PRKG1: variants seen among roughly 807,000 people sequenced by gnomAD.
The protein encoded by PRKG1 is protein kinase cGMP-dependent 1, also known as cGMP-dependent protein kinase 1.
A neutral mutation model predicts 88.1 loss-of-function variants in PRKG1; 35 were observed. The observed-to-expected ratio is 0.40, with a 90% CI of 0.30 to 0.53. The LOEUF (loss-of-function observed/expected upper bound fraction) is 0.53. Ranked by LOEUF, PRKG1 falls within the 20% of genes least tolerant of loss-of-function variation. The pLI, the probability that PRKG1 is intolerant of heterozygous loss-of-function variation, is 0.59. For missense variants in PRKG1, 540 were observed against 839.8 expected (o/e 0.64, Z 4.41); for synonymous variants, 303 against 292.5 (o/e 1.04, Z -0.37).
chr10:51,133,420 C>T (rs957528466), intron 1 of PRKG1, among the ~76,000 whole-genome samples: 4 of 152,132 alleles, frequency 2.6e-5, no homozygotes, highest in African/African-American at 9.7e-5. Flanking sequence ...AACCATTGTT[C>T]TATGTATTGT....
intron 4 of PRKG1, among the ~76,000 whole-genome samples, chr10:51,807,352 ATG>A (rs2132616468): frequency 6.6e-6 from 1 of 152,316 alleles, no homozygotes; most frequent in East Asian, 1.9e-4. Context: ...TCACACATCC[ATG>A]AAGCCATGTA....
At chr10:51,374,617 T>A (rs967328006) in intron 2 of PRKG1, among the ~76,000 whole-genome samples, 3 of 152,084 alleles carry the variant, frequency 2.0e-5, no homozygotes, top group South Asian at 4.1e-4. Context: ...GGACCCAGCA[T>A]TCCTCCCCTC....
intron 4 of PRKG1, among the ~76,000 whole-genome samples, chr10:51,818,256 C>T (rs554722942): frequency 2.3e-4 from 35 of 152,272 alleles, no homozygotes; most frequent in Admixed American, 2.2e-3. Context: ...ATTTAGCCTA[C>T]ATTAAGGATA....
At chr10:52,002,249 A>G (rs556256916) in intron 5 of PRKG1, among the ~76,000 whole-genome samples, 6 of 152,146 alleles carry the variant, frequency 3.9e-5, no homozygotes, top group Admixed American at 1.3e-4. Context: ...TTCTTTGCAA[A>G]TTCTGTTTAT....
At chr10:51,459,893 C>A (rs1041530528) in intron 2 of PRKG1, among the ~76,000 whole-genome samples, 1 of 152,126 alleles carries the variant, frequency 6.6e-6, no homozygotes, top group Non-Finnish European at 1.5e-5. Context: ...AAATATGCAA[C>A]CTGATGCTGC....
At chr10:52,137,019 G>A (rs1338521428) in intron 8 of PRKG1, among the ~76,000 whole-genome samples, 10 of 152,088 alleles carry the variant, frequency 6.6e-5, no homozygotes, top group African/African-American at 2.4e-4. Context: ...GAAGGATCCT[G>A]TCAAAAGCCT....
chr10:52,039,584 G>C (rs1323697059), intron 5 of PRKG1, among the ~76,000 whole-genome samples: 3 of 152,090 alleles, frequency 2.0e-5, no homozygotes, highest in Non-Finnish European at 4.4e-5. Flanking sequence ...AAATGCTACT[G>C]TACCAGTTAG....
At chr10:51,071,846 T>C (rs998916444), upstream of PRKG1, among the ~76,000 whole-genome samples, 2 of 152,208 alleles carry the variant, frequency 1.3e-5, no homozygotes, top group African/African-American at 4.8e-5. Flanking sequence ...ATTTAAACCC[T>C]AAATAAACTC....
intron 3 of PRKG1, among the ~76,000 whole-genome samples, chr10:51,489,784 T>A (rs1315866879): frequency 6.6e-6 from 1 of 152,082 alleles, no homozygotes; most frequent in Non-Finnish European, 1.5e-5. Context: ...CTTAATAGGC[T>A]GTTGCAGTAA....
chr10:52,115,035 G>A (rs1364421912), intron 7 of PRKG1, among the ~76,000 whole-genome samples: 2 of 152,068 alleles, frequency 1.3e-5, no homozygotes, highest in African/African-American at 4.8e-5. Flanking sequence ...AATGATGAGA[G>A]CAAATGGGTG....
chr10:51,126,746 A>G (rs1405635945), intron 1 of PRKG1, among the ~76,000 whole-genome samples: 2 of 152,096 alleles, frequency 1.3e-5, no homozygotes, highest in African/African-American at 2.4e-5. Flanking sequence ...CCAAAACAGC[A>G]TGGTACTGGT....
chr10:51,593,325 A>C (rs1276943239), intron 3 of PRKG1, among the ~76,000 whole-genome samples: 1 of 152,206 alleles, frequency 6.6e-6, no homozygotes, highest in African/African-American at 2.4e-5. Flanking sequence ...AAAAAACAAA[A>C]AACTAGACCT....
chr10:51,793,684 A>T (rs2132588640), intron 3 of PRKG1, among the ~76,000 whole-genome samples: 1 of 152,302 alleles, frequency 6.6e-6, no homozygotes, highest in South Asian at 2.1e-4. Flanking sequence ...GCCTAGCAGC[A>T]GACTTCTCAG....
intron 9 of PRKG1, among the ~76,000 whole-genome samples, chr10:52,233,608 G>A (rs374304688): frequency 2.0e-4 from 29 of 147,196 alleles, no homozygotes; most frequent in African/African-American, 7.0e-4. Context: ...TTTCAGACCG[G>A]CTTAAAAAAC....
intron 2 of PRKG1, among the ~76,000 whole-genome samples, chr10:51,259,788 T>A (rs1383858932): frequency 6.6e-6 from 1 of 152,136 alleles, no homozygotes; most frequent in East Asian, 1.9e-4. Context: ...CATCCCTTTT[T>A]TATATGTGTG....
chr10:51,557,341 C>A (rs952920575), intron 3 of PRKG1, among the ~76,000 whole-genome samples: 148 of 135,620 alleles, frequency 1.1e-3, no homozygotes, highest in Non-Finnish European at 1.9e-3. Flanking sequence ...CGGCATACAC[C>A]ACCACCCCCC....
chr10:51,961,882 A>G (rs1843456239), intron 5 of PRKG1, among the ~76,000 whole-genome samples: 2 of 152,196 alleles, frequency 1.3e-5, no homozygotes, highest in African/African-American at 2.4e-5. Flanking sequence ...GTAAGCCACC[A>G]GAAGACTGAT....
chr10:52,120,842 C>T (rs1235970284), intron 7 of PRKG1, among the ~76,000 whole-genome samples: 1 of 152,142 alleles, frequency 6.6e-6, no homozygotes, highest in East Asian at 1.9e-4. Context: ...CAGCCCCACT[C>T]CTATGGCTCC....
chr10:51,900,276 C>T (rs1841952113), intron 4 of PRKG1, among the ~76,000 whole-genome samples: 1 of 152,114 alleles, frequency 6.6e-6, no homozygotes, highest in Non-Finnish European at 1.5e-5. Context: ...CGATAATAGC[C>T]TTTCAAGATA....
Sources: allele counts gnomAD v4.1 joint callset (sites outside exome capture counted in the v4.1 genomes callset), GRCh38; gene constraint gnomAD v4.1.1; transcripts MANE v1.5; gene names NCBI Gene and HGNC (gene_info 2026-07-23, HGNC 2026-07-21).